COPA: variants seen among roughly 807,000 people sequenced by gnomAD.
COPA encodes coatomer subunit alpha.
In COPA, 10 loss-of-function variants were observed where a neutral mutation model predicts 158.7. The ratio of observed to expected loss-of-function variants is 0.06; its 90% CI spans 0.04 to 0.11. The LOEUF (loss-of-function observed/expected upper bound fraction) is 0.11, where lower values mean the gene tolerates loss of function less well. Among genes scored for constraint, COPA ranks in the 10% least tolerant of loss-of-function variants. COPA has a pLI of 1.00. For synonymous variants in COPA, 462 were observed against 542.8 expected (o/e 0.85, Z 2.07); for missense variants, 1,065 against 1,536.7 (o/e 0.69, Z 5.13).
At chr1:160,291,237 T>C in intron 31 of COPA, 98 bp downstream of exon 31, 1 of 1,334,690 alleles carries the variant, frequency 7.5e-7, no homozygotes, top group Non-Finnish European at 1.0e-6. Flanking sequence ...TGAATGTTGT[T>C]ATTTATTGCT....
chr1:160,307,072 G>C (rs564208769), intron 14 of COPA, 91 bp downstream of exon 14: 3 of 1,280,362 alleles, frequency 2.3e-6, no homozygotes, highest in Non-Finnish European at 3.4e-6. Context: ...GCCCGGGGGA[G>C]AACAGAAAAA....
intron 11 of COPA, among the ~76,000 whole-genome samples, chr1:160,311,431 C>G (rs1211868158): frequency 7.0e-6 from 1 of 143,500 alleles, no homozygotes; most frequent in African/African-American, 2.6e-5. Flanking sequence ...GAGTGAGACT[C>G]CATCTCAAAA....
chr1:160,290,280 A>C, intron 32 of COPA, 64 bp from the exon 33 acceptor site: 1 of 1,580,126 alleles, frequency 6.3e-7, no homozygotes, highest in African/African-American at 1.3e-5. Context: ...TAGAAAATGT[A>C]TTCCCTATAC....
intron 9 of COPA, among the ~76,000 whole-genome samples, chr1:160,313,545 G>C (rs1193880339): frequency 1.3e-5 from 2 of 152,042 alleles, no homozygotes; most frequent in Non-Finnish European, 2.9e-5. Context: ...CTCCTGAGTA[G>C]CTGGGACTAC....
chr1:160,294,731 C>T (rs1658343778), intron 24 of COPA, 37 bp downstream of exon 24: 30 of 1,608,526 alleles, frequency 1.9e-5, no homozygotes, highest in Non-Finnish European at 2.6e-5. Flanking sequence ...TCCAAGGTGT[C>T]CATCACCCCA....
At chr1:160,314,505 T>C (rs1410148483) in intron 8 of COPA, among the ~76,000 whole-genome samples, 1 of 152,048 alleles carries the variant, frequency 6.6e-6, no homozygotes, top group African/African-American at 2.4e-5. Context: ...GTGGCGCACG[T>C]TTGTAGTCCC....
chr1:160,314,227 G>A lies in COPA; in HGVS notation c.707-102C>T, dbSNP rs1659066990. ...TCATCAAGAACTAAGTACTATTACAGAATGCTAAATTGCCAACTTCTTTCT... is the reference window on the plus strand; with the variant it reads ...TCATCAAGAACTAAGTACTATTACAAAATGCTAAATTGCCAACTTCTTTCT... On this transcript the variant is annotated intron_variant, in intron 8 of 32. Transcript: ENST00000241704. 6.2e-6 allele frequency: 8 copies of A among 1,287,072 alleles called. No homozygotes were observed. In the South Asian group the frequency reaches 1.2e-4, roughly 19 times the overall value. The allele number at this position is 1,287,072 out of a possible 1,614,324, so 79.7% of individuals were successfully genotyped here. A position where few individuals can be genotyped will look rare whatever the true frequency, so the allele number is the denominator to read the frequency against.
chr1:160,335,466 G>C, intron 3 of COPA, 144 bp from the exon 4 acceptor site: 1 of 531,746 alleles, frequency 1.9e-6, no homozygotes, highest in Non-Finnish European at 3.0e-6. Context: ...TTTCTAAATA[G>C]GTAGGAACCT....
At chr1:160,295,976 G>A in intron 22 of COPA, 85 bp downstream of exon 22, 1 of 1,577,738 alleles carries the variant, frequency 6.3e-7, no homozygotes, top group Non-Finnish European at 8.7e-7. Flanking sequence ...AACCAGGTGG[G>A]AGAGTGACAT....
chr1:160,324,861 T>C (rs186613454), intron 7 of COPA, among the ~76,000 whole-genome samples: 2 of 152,334 alleles, frequency 1.3e-5, no homozygotes, highest in African/African-American at 4.8e-5. Flanking sequence ...TTTAAGATAC[T>C]GTATACCCTA....
chr1:160,300,157 T>A (rs1014020467), intron 17 of COPA, among the ~76,000 whole-genome samples: 1 of 151,796 alleles, frequency 6.6e-6, no homozygotes, highest in Non-Finnish European at 1.5e-5. Context: ...CTGGCCAACA[T>A]GGTGAAACCC....
Position 160,307,224 on chromosome 1 carries a change from G to A in COPA, c.1241C>T (p.Ser414Leu), listed in dbSNP as rs1365609152. ...NPDAPEGKRS[S>L]GLTAVWVARN... The stretch of plus-strand genomic sequence containing the variant: ...AGCGACCCAAACGGCTGTCAGGCCT[G>A]AGGATCGTTTCCCTTCAGGCGCTGA... The change falls in exon 14 of 33, where the codon TCA becomes TTA. Residue 414 changes from serine (S) to leucine (L), a missense_variant. Physicochemically the swap from Ser to Leu is moderately radical, Grantham distance 145. Transcript: ENST00000241704. 1 of 1,614,200 alleles carries A rather than the reference G, an allele frequency of 6.2e-7. No individual in the cohort carries two copies. Among genetic ancestry groups the A allele is most frequent in the East Asian group, 2.2e-5 (1 of 44,890 alleles).
chr1:160,296,100 A>G lies in COPA; in HGVS notation c.2313T>C (p.Ala771=), dbSNP rs1341864620. Reference sequence around the variant, plus strand: ...GGTCAAATGTCTCCTTTAGGCTCTCAGCTTCTTCATCTAAGCCATGGGTAG... The same window carrying G: ...GGTCAAATGTCTCCTTTAGGCTCTCGGCTTCTTCATCTAAGCCATGGGTAG... ...TAATHGLDEE[A]ESLKETFDPE... Residue 771 remains alanine, a synonymous_variant, in exon 22 of 33, where the codon GCT becomes GCC. Transcript: ENST00000241704. 1 of 1,614,182 alleles carries G rather than the reference A, an allele frequency of 6.2e-7. No homozygotes were observed.
In COPA at chr1:160,305,881, T is replaced by C. The variant is rs1023344310; in HGVS notation, c.1443-108A>G. On this transcript the variant is annotated intron_variant, in intron 15 of 32. Coordinates refer to ENST00000241704, the MANE Select transcript of COPA (RefSeq NM_004371.4). ...ATTAATGTAAACCCCAATTTCTTAA[T>C]GTAATTCTAATTACATAAAATACTT... The C allele has an allele frequency of 8.0e-6, 7 of 876,194 alleles. No homozygotes were observed. In the African/African-American group the frequency reaches 1.2e-4, roughly 15 times the overall value. The allele number at this position is 876,194 out of a possible 1,614,324, so 54.3% of individuals were successfully genotyped here.
intron 12 of COPA, among the ~76,000 whole-genome samples, 190 bp from the exon 13 acceptor site, chr1:160,309,366 C>T (rs1658890262): frequency 6.6e-6 from 1 of 152,154 alleles, no homozygotes; most frequent in Non-Finnish European, 1.5e-5. Flanking sequence ...TTGCCAAACA[C>T]ATCAGCACTG....
rs202155952 is a variant in COPA, at chr1:160,340,001, A to G, written c.155-19T>C. 6.9e-5 allele frequency: 112 copies of G among 1,613,186 alleles called. No individual in the cohort carries two copies. In the Middle Eastern group the frequency reaches 1.5e-3, roughly 21 times the overall value. On this transcript the variant is annotated intron_variant, in intron 2 of 32. Transcript: ENST00000241704. Reference sequence around the variant, plus strand: ...ACTGGACCTGGTGGAGAAGGCAGGCAATGTATGTTAGACAGAGCTATCCTT... The same window carrying G: ...ACTGGACCTGGTGGAGAAGGCAGGCGATGTATGTTAGACAGAGCTATCCTT...
At chr1:160,325,987 A>T (rs1166945284) in intron 6 of COPA, 2 of 205,440 alleles carry the variant, frequency 9.7e-6, no homozygotes, top group Admixed American at 5.3e-5. Flanking sequence ...CCCACTTTCC[A>T]TTCTTCAGTG....
At position 160,292,052 on chromosome 1, in the gene COPA, A is replaced by G. The variant is rs780627335; in HGVS notation, c.3107T>C (p.Val1036Ala). 1 of 1,614,238 alleles carries G rather than the reference A, an allele frequency of 6.2e-7. No individual in the cohort carries two copies. Among genetic ancestry groups the G allele is most frequent in the Non-Finnish European group, 8.5e-7 (1 of 1,180,042 alleles). The change falls in exon 29 of 33, where the codon GTG becomes GCG. Residue 1036 changes from valine (V) to alanine (A), a missense_variant. By Grantham distance (64) the Val-to-Ala change is moderately conservative (BLOSUM62 0). Around this residue, in one of 2 missense-constraint regions of COPA, gnomAD observed 980 missense variants for 1,357.8 expected, o/e 0.72. Coordinates refer to ENST00000241704, the MANE Select transcript of COPA (RefSeq NM_004371.4). ...VEKFRSILLSVPLLVVDNKQE... is the reference protein window; with the variant it reads ...VEKFRSILLSAPLLVVDNKQE... ...TTTATTGTCCACAACAAGAAGTGGCACACTGAGAAGGATGGAACGGAATTT... is the reference window on the plus strand; with the variant it reads ...TTTATTGTCCACAACAAGAAGTGGCGCACTGAGAAGGATGGAACGGAATTT...
chr1:160,292,623 G>A lies in COPA; in HGVS notation c.2824-3C>T. 1.3e-6 allele frequency: 2 copies of A among 1,578,330 alleles called. No homozygotes were observed. The highest frequency in any genetic ancestry group is 1.7e-6 in the Non-Finnish European group (2 of 1,165,750). ...ACCCCTACTTGGTCATGAAGGAGCT[G>A]GAACAGAAGGAAAGAAACAAGGATT... On this transcript the variant is annotated splice_polypyrimidine_tract_variant and splice_region_variant and intron_variant, in intron 27 of 32. Transcript: ENST00000241704.
Sources: gnomAD v4.1 joint callset for allele counts (sites outside exome capture counted in the v4.1 genomes callset) on GRCh38, gnomAD v4.1.1 for gene constraint, gnomAD v4.1.1 regional missense constraint, MANE v1.5 for transcripts, NCBI Gene and HGNC (gene_info 2026-07-23, HGNC 2026-07-21) for gene names.